The following TASP1 variants were observed in gnomAD, a reference collection of about 807,000 sequenced individuals.
The protein encoded by TASP1 is threonine aspartase 1.
TASP1 carries 16 observed loss-of-function variants against 56.6 expected under a neutral mutation model. The observed-to-expected ratio is 0.28, with a 90% CI of 0.19 to 0.43. TASP1 has a LOEUF of 0.43. Ranked by LOEUF, TASP1 falls within the 20% of genes least tolerant of loss-of-function variation. The probability of loss-of-function intolerance (pLI) is 1.00; values close to 1 mark genes in which losing one functional copy is unlikely to be tolerated. For synonymous variants in TASP1, 179 were observed against 184.2 expected, an observed-to-expected ratio of 0.97 and a Z score of 0.23; for missense variants, 393 against 511.6, an observed-to-expected ratio of 0.77 and a Z score of 2.24.
chr20:13,190,845 A>T, the TASP1 span, among the ~76,000 whole-genome samples: 1 of 152,150 alleles, frequency 6.6e-6, no homozygotes, highest in African/African-American at 2.4e-5. Flanking sequence ...TCTGCAAGGG[A>T]TTAATATTCA....
intron 10 of TASP1, among the ~76,000 whole-genome samples, chr20:13,521,077 C>T (rs1320383236): frequency 6.6e-6 from 1 of 152,170 alleles, no homozygotes; most frequent in African/African-American, 2.4e-5. Flanking sequence ...CAATGAGATA[C>T]CATCTCACAC....
chr20:13,623,885 A>G (rs2048799671), intron 3 of TASP1, among the ~76,000 whole-genome samples: 1 of 152,220 alleles, frequency 6.6e-6, no homozygotes, highest in African/African-American at 2.4e-5. Context: ...ATCTCAAACT[A>G]ATCATTTCTC....
rs141028779 is a variant in TASP1 at position 13,609,332 on chromosome 20, T to C, written c.282+14114A>G. ...GTAGAAAAAATTATAACCTTGCATA[T>C]TGCTGCTGGAAATGCAAAAAGGGTT... On this transcript the variant is annotated intron_variant, in intron 4 of 13. Coordinates refer to ENST00000337743, the MANE Select transcript of TASP1 (RefSeq NM_017714.3). 3.7e-3 allele frequency among the ~76,000 whole-genome samples: 570 copies of C among 152,238 alleles called. 3 individuals carry two copies. Among genetic ancestry groups the C allele is most frequent in the East Asian group, 0.012 (61 of 5,180 alleles).
chr20:13,526,217 G>A (rs1390042208), intron 10 of TASP1, among the ~76,000 whole-genome samples: 1 of 152,078 alleles, frequency 6.6e-6, no homozygotes, highest in Non-Finnish European at 1.5e-5. Flanking sequence ...CAATCAGGCA[G>A]GCTCTCAGGA....
intron 11 of TASP1, among the ~76,000 whole-genome samples, chr20:13,461,091 T>G (rs1393708526): frequency 6.6e-6 from 1 of 152,124 alleles, no homozygotes; most frequent in Non-Finnish European, 1.5e-5. Flanking sequence ...CTCAGCCAAC[T>G]CTAGACACAT....
the TASP1 span, chr20:13,299,388 G>A: frequency 6.2e-7 from 1 of 1,613,322 alleles, no homozygotes; most frequent in East Asian, 2.2e-5. The surrounding 1 kb of genome is among the most constrained non-coding windows in gnomAD (Gnocchi z 5.8). Context: ...TCCCAACAAC[G>A]GACAGAAGTG....
At chr20:13,490,262 T>C (rs1010145386) in intron 10 of TASP1, among the ~76,000 whole-genome samples, 1 of 152,186 alleles carries the variant, frequency 6.6e-6, no homozygotes, top group Non-Finnish European at 1.5e-5. Context: ...AAAAAAATAC[T>C]TTAATACTTC....
intron 4 of TASP1, among the ~76,000 whole-genome samples, chr20:13,622,804 T>C (rs117206786): frequency 1.5e-3 from 230 of 152,334 alleles, no homozygotes; most frequent in Non-Finnish European, 2.4e-3. Context: ...CAAATCTATC[T>C]TCTCCAAGTT....
At chr20:13,486,314 GC>G (rs2043316538) in intron 10 of TASP1, among the ~76,000 whole-genome samples, 1 of 151,980 alleles carries the variant, frequency 6.6e-6, no homozygotes, top group Non-Finnish European at 1.5e-5. Flanking sequence ...TCACATCTTA[GC>G]AGAAAACATG....
intron 4 of TASP1, among the ~76,000 whole-genome samples, chr20:13,618,039 G>A (rs2048582007): frequency 6.6e-6 from 1 of 151,998 alleles, no homozygotes; most frequent in Non-Finnish European, 1.5e-5. Flanking sequence ...CAAGAGGCCT[G>A]GGCTGGGGTC....
At chr20:13,164,960 C>T in the TASP1 span, 4 of 1,129,706 alleles carry the variant, frequency 3.5e-6, no homozygotes, top group Non-Finnish European at 3.7e-6. Context: ...CCCCCTTCCT[C>T]AGGACAATTT....
chr20:13,549,358 T>A (rs1004919496), intron 8 of TASP1, among the ~76,000 whole-genome samples: 24 of 152,156 alleles, frequency 1.6e-4, no homozygotes, highest in African/African-American at 5.6e-4. Context: ...TAATTTTCCA[T>A]CAACCTAATT....
intron 4 of TASP1, among the ~76,000 whole-genome samples, chr20:13,605,769 C>T (rs990424820): frequency 6.6e-6 from 1 of 152,112 alleles, no homozygotes; most frequent in African/African-American, 2.4e-5. Flanking sequence ...ACTCATTTTG[C>T]GTAATTAATA....
At chr20:13,437,125 C>T (rs1026332132) in intron 11 of TASP1, among the ~76,000 whole-genome samples, 1 of 152,052 alleles carries the variant, frequency 6.6e-6, no homozygotes, top group Non-Finnish European at 1.5e-5. Context: ...TACTGGCAAA[C>T]CGAATCCAGC....
chr20:13,221,692 C>T, the TASP1 span: 3 of 1,185,250 alleles, frequency 2.5e-6, no homozygotes, highest in Admixed American at 1.3e-4. Flanking sequence ...TGCCGGGCTC[C>T]CGGGCTCCTA....
chr20:13,299,019 C>T, the TASP1 span: 18 of 1,613,596 alleles, frequency 1.1e-5, no homozygotes, highest in African/African-American at 2.1e-4. This position sits in a 1 kb window ranked among gnomAD's most constrained non-coding sequence, Gnocchi z 5.8. Flanking sequence ...GATGAATGAC[C>T]TGCCCAGCTG....
At chr20:13,149,164 T>A in the TASP1 span, among the ~76,000 whole-genome samples, 1 of 152,210 alleles carries the variant, frequency 6.6e-6, no homozygotes, top group African/African-American at 2.4e-5. Flanking sequence ...ATTATTTCAT[T>A]CACTTATTTA....
the TASP1 span, among the ~76,000 whole-genome samples, chr20:13,261,533 A>G: frequency 6.6e-6 from 1 of 152,124 alleles, no homozygotes; most frequent in Non-Finnish European, 1.5e-5. Context: ...CAACCAGTCT[A>G]CCATAAGTGC....
intron 4 of TASP1, among the ~76,000 whole-genome samples, chr20:13,621,023 A>AG (rs2048694834): frequency 6.6e-6 from 1 of 152,232 alleles, no homozygotes; most frequent in East Asian, 1.9e-4. Context: ...AAATTCTTCC[A>AG]ATTAGTGTAA....
Sources: gnomAD v4.1 joint callset for allele counts (sites outside exome capture counted in the v4.1 genomes callset) on GRCh38, gnomAD v4.1.1 for gene constraint, Gnocchi (gnomAD v3.1) non-coding constraint, MANE v1.5 for transcripts, NCBI Gene and HGNC (gene_info 2026-07-23, HGNC 2026-07-21) for gene names.